The following GUCY1B1 variants were observed in gnomAD, a reference collection of about 807,000 sequenced individuals.
GUCY1B1 encodes guanylate cyclase 1 soluble subunit beta 1.
In GUCY1B1, 43 loss-of-function variants were observed where a neutral mutation model predicts 71.0. The ratio of observed to expected loss-of-function variants is 0.61; its 90% CI spans 0.47 to 0.78. GUCY1B1 has a LOEUF of 0.78. Ranked by LOEUF, GUCY1B1 falls within the 30% of genes least tolerant of loss-of-function variation. The pLI, the probability that GUCY1B1 is intolerant of heterozygous loss-of-function variation, is 0.00. For missense variants in GUCY1B1, 535 were observed against 754.1 expected (o/e 0.71, Z 3.40); for synonymous variants, 266 against 259.7 (o/e 1.02, Z -0.23).
chr4:155,780,390 G>A (rs1466304233), intron 4 of GUCY1B1, among the ~76,000 whole-genome samples: 2 of 152,020 alleles, frequency 1.3e-5, no homozygotes, highest in East Asian at 1.9e-4. Flanking sequence ...CTGGGAAGAC[G>A]CCACTCCTCT....
chr4:155,761,257 T>A (rs1358148283), intron 2 of GUCY1B1, among the ~76,000 whole-genome samples: 3 of 152,184 alleles, frequency 2.0e-5, no homozygotes, highest in Non-Finnish European at 4.4e-5. Context: ...TAGACAGATA[T>A]CAACAAGGCA....
intron 5 of GUCY1B1, among the ~76,000 whole-genome samples, chr4:155,791,507 G>A (rs1291173030): frequency 6.7e-5 from 10 of 148,522 alleles, no homozygotes; most frequent in African/African-American, 2.2e-4. Context: ...AAGGCGGGGG[G>A]ATCACGAGGT....
chr4:155,804,008 G>A (rs1740136845), intron 11 of GUCY1B1, among the ~76,000 whole-genome samples: 1 of 151,990 alleles, frequency 6.6e-6, no homozygotes, highest in African/African-American at 2.4e-5. Flanking sequence ...AAAACCTCTT[G>A]TACCTTCTAG....
At chr4:155,773,837 G>A (rs1737852631) in intron 2 of GUCY1B1, among the ~76,000 whole-genome samples, 3 of 152,048 alleles carry the variant, frequency 2.0e-5, no homozygotes, top group South Asian at 2.1e-4. Context: ...ACAGGCACCC[G>A]CCACCACGCC....
chr4:155,797,232 CAA>C (rs1417051866), intron 8 of GUCY1B1, among the ~76,000 whole-genome samples: 2 of 152,120 alleles, frequency 1.3e-5, no homozygotes, highest in African/African-American at 4.8e-5. Flanking sequence ...TTTGTATAAA[CAA>C]AGTGTAGGTG....
intron 5 of GUCY1B1, 40 bp downstream of exon 5, chr4:155,789,951 TC>T: frequency 2.3e-6 from 3 of 1,285,496 alleles, no homozygotes; most frequent in Non-Finnish European, 3.3e-6. Flanking sequence ...ACAGATGACA[TC>T]TAAAAATATT....
chr4:155,805,017 A>G (rs1381254941), intron 12 of GUCY1B1, 86 bp from the exon 13 acceptor site: 3 of 1,181,948 alleles, frequency 2.5e-6, no homozygotes, highest in Non-Finnish European at 3.7e-6. Flanking sequence ...TGTTCTTGCC[A>G]TCTTGGTTTA....
rs1740391894 is a variant in GUCY1B1, at chr4:155,807,447, C to A, written c.*1038C>A. 6.6e-6 allele frequency: 1 copy of A among 152,120 alleles called. No homozygotes were observed. Among genetic ancestry groups the A allele is most frequent in the Admixed American group, 6.6e-5 (1 of 15,238 alleles). The allele number at this position is 152,120 out of a possible 1,614,324, so 9.4% of individuals were successfully genotyped here. A position where few individuals can be genotyped will look rare whatever the true frequency, so the allele number is the denominator to read the frequency against. On this transcript the variant is annotated 3_prime_UTR_variant, in exon 14 of 14. Coordinates refer to ENST00000264424, the MANE Select transcript of GUCY1B1 (RefSeq NM_000857.5). ...AATGTCTCTGATAACTTATTAATAT[C>A]TATCTTTATAAAATAGAGTGCAACT...
rs1018751269 is a variant in GUCY1B1, at chr4:155,782,061, G to T, written c.297+4419G>T. Among the ~76,000 whole-genome samples the T allele has an allele frequency of 5.3e-5, 8 of 151,354 alleles. No homozygotes were observed. The East Asian group carries it at 1.4e-3, about 26-fold the overall frequency. ...TGCTATAGTCAATGTCTTTTTTTGCGTTTTTTAATGTTTTATTATTATTAT... is the reference window on the plus strand; with the variant it reads ...TGCTATAGTCAATGTCTTTTTTTGCTTTTTTTAATGTTTTATTATTATTAT... On this transcript the variant is annotated intron_variant, in intron 4 of 13. Coordinates refer to ENST00000264424, the MANE Select transcript of GUCY1B1 (RefSeq NM_000857.5).
At chr4:155,789,976 T>C (rs573855242) in intron 5 of GUCY1B1, 65 bp downstream of exon 5, 1 of 1,083,086 alleles carries the variant, frequency 9.2e-7, no homozygotes, top group Admixed American at 2.0e-5. Flanking sequence ...AATGACACTC[T>C]CTAAATTTAC....
At chr4:155,787,039 A>G (rs931255418) in intron 4 of GUCY1B1, among the ~76,000 whole-genome samples, 1 of 150,472 alleles carries the variant, frequency 6.6e-6, no homozygotes, top group African/African-American at 2.4e-5. Flanking sequence ...TCTCTCAGTG[A>G]TTTTTTTTTT....
chr4:155,776,618 C>T (rs1475646293), intron 3 of GUCY1B1, among the ~76,000 whole-genome samples: 1 of 151,816 alleles, frequency 6.6e-6, no homozygotes, highest in African/African-American at 2.4e-5. Context: ...TGCAGCGAGC[C>T]GAGATCCTAC....
chr4:155,794,199 A>G, intron 6 of GUCY1B1, 113 bp downstream of exon 6: 1 of 597,982 alleles, frequency 1.7e-6, no homozygotes, highest in Non-Finnish European at 3.0e-6. Context: ...GGTAATATGC[A>G]GTTTATTGTA....
intron 2 of GUCY1B1, 67 bp downstream of exon 2, chr4:155,759,927 G>A: frequency 8.5e-7 from 1 of 1,179,676 alleles, no homozygotes; most frequent in Non-Finnish European, 1.3e-6. Flanking sequence ...CCCGCGCCTC[G>A]CCTGGTCCTC....
At chr4:155,784,382 G>A (rs113493259) in intron 4 of GUCY1B1, among the ~76,000 whole-genome samples, 1,628 of 152,138 alleles carry the variant, frequency 0.011, 27 homozygotes, top group African/African-American at 0.037. Context: ...TCATCATCTA[G>A]GGTTTGATGT....
At chr4:155,782,292 T>A (rs2111069251) in intron 4 of GUCY1B1, among the ~76,000 whole-genome samples, 1 of 152,250 alleles carries the variant, frequency 6.6e-6, no homozygotes, top group Non-Finnish European at 1.5e-5. Context: ...GGTTTCACCG[T>A]GTTAGCCAGA....
At chr4:155,774,469 T>A (rs1183173945) in intron 2 of GUCY1B1, among the ~76,000 whole-genome samples, 1 of 152,204 alleles carries the variant, frequency 6.6e-6, no homozygotes, top group Non-Finnish European at 1.5e-5. Flanking sequence ...TACTCTGCTT[T>A]ATTTTTCTCC....
intron 4 of GUCY1B1, among the ~76,000 whole-genome samples, chr4:155,787,364 G>A (rs559352048): frequency 6.6e-6 from 1 of 152,282 alleles, no homozygotes; most frequent in South Asian, 2.1e-4. Flanking sequence ...ACTCCATCAG[G>A]TATAATTGTG....
At position 155,786,752 on chromosome 4, in the gene GUCY1B1, T is replaced by C. The variant is rs546193368; in HGVS notation, c.298-2962T>C. 1.9e-3 allele frequency among the ~76,000 whole-genome samples: 295 copies of C among 151,992 alleles called. No homozygotes were observed. The South Asian group carries it at 0.021, about 11-fold the overall frequency. ...CCTCCCAAAGTGCTGGGATTACAGG[T>C]GTGAGGCACCGCGCCTGGCCAATTT... On this transcript the variant is annotated intron_variant, in intron 4 of 13. Coordinates refer to ENST00000264424, the MANE Select transcript of GUCY1B1 (RefSeq NM_000857.5).
Sources: gnomAD v4.1 joint callset for allele counts (sites outside exome capture counted in the v4.1 genomes callset) on GRCh38, gnomAD v4.1.1 for gene constraint, MANE v1.5 for transcripts, NCBI Gene and HGNC (gene_info 2026-07-23, HGNC 2026-07-21) for gene names.